The following WDR36 variants were observed in gnomAD, a reference collection of about 807,000 sequenced individuals.
WDR36 encodes the protein WD repeat domain 36.
A neutral mutation model predicts 112.7 loss-of-function variants in WDR36; 63 were observed. The observed-to-expected ratio is 0.56, with a 90% CI of 0.46 to 0.69. The LOEUF is 0.69. Among genes scored for constraint, WDR36 ranks in the 30% least tolerant of loss-of-function variants. The pLI is 0.00. For synonymous variants in WDR36, 410 were observed against 362.2 expected, an observed-to-expected ratio of 1.13 and a Z score of -1.50; for missense variants, 1,226 against 1,070.3, an observed-to-expected ratio of 1.15 and a Z score of -2.03.
chr5:111,104,349 T>C lies in WDR36; in HGVS notation c.903T>C (p.Leu301=). The change falls in exon 8 of 23, where the codon CTT becomes CTC. Residue 301 remains leucine (L), a synonymous_variant. Transcript: ENST00000513710. ...LLVTNGADNA[L]RIWIFDGPTG... Reference sequence around the variant, plus strand: ...TCACAAATGGCGCTGACAATGCTCTTAGGGTATTATGATTATTGTTAACAT... The same window carrying C: ...TCACAAATGGCGCTGACAATGCTCTCAGGGTATTATGATTATTGTTAACAT... 1 of 1,611,740 alleles carries C rather than the reference T, an allele frequency of 6.2e-7. No homozygotes were observed. The highest frequency in any genetic ancestry group is 1.3e-5 in the African/African-American group (1 of 74,884).
Position 111,110,282 on chromosome 5 carries a change from G to A in WDR36, c.1420G>A (p.Gly474Arg). 1 of 1,610,664 alleles carries A rather than the reference G, an allele frequency of 6.2e-7. No individual in the cohort carries two copies. The highest frequency in any genetic ancestry group is 8.5e-7 in the Non-Finnish European group (1 of 1,177,462). The change falls in exon 13 of 23, where the codon GGA (glycine) becomes AGA (arginine). Residue 474 changes from glycine (G) to arginine (R), a missense_variant. Gly to Arg is a moderately radical substitution (Grantham distance 125). Transcript: ENST00000513710. ...VYNMQSGIHR[G>R]SFGKDQAHKG... ...TAACATGCAGTCTGGCATACATCGAGGAAGTTTTGGCAAGGATCAAGGTAG... is the reference window on the plus strand; with the variant it reads ...TAACATGCAGTCTGGCATACATCGAAGAAGTTTTGGCAAGGATCAAGGTAG...
chr5:111,127,027 A>T lies in WDR36; in HGVS notation c.*144A>T. ...TATATCTCCACTTTAAATGCTAAAT[A>T]CTTTCTTGAAATAAAATCGCACCTC... On this transcript the variant is annotated 3_prime_UTR_variant, in exon 23 of 23. Coordinates refer to ENST00000513710, the MANE Select transcript of WDR36 (RefSeq NM_139281.3). 1 of 803,664 alleles carries T rather than the reference A, an allele frequency of 1.2e-6. No homozygotes were observed. The highest frequency in any genetic ancestry group is 3.4e-5 in the Admixed American group (1 of 29,432). 49.8% of individuals were successfully genotyped at this position (803,664 alleles called of 1,614,324 possible).
chr5:111,103,403 T>C (rs1393977622), intron 6 of WDR36, among the ~76,000 whole-genome samples: 1 of 151,820 alleles, frequency 6.6e-6, no homozygotes, highest in Non-Finnish European at 1.5e-5. Flanking sequence ...TTGCCACACA[T>C]AGCGCAAGCC....
intron 21 of WDR36, 144 bp from the exon 22 acceptor site, chr5:111,125,464 A>T: frequency 1.3e-6 from 1 of 796,660 alleles, no homozygotes; most frequent in African/African-American, 1.7e-5. Flanking sequence ...GTTTCATTCT[A>T]CTACATAATA....
intron 16 of WDR36, 63 bp downstream of exon 16, chr5:111,113,216 G>C: frequency 1.0e-6 from 1 of 1,003,420 alleles, no homozygotes; most frequent in Non-Finnish European, 1.5e-6. Flanking sequence ...TTTCACATGT[G>C]ACTTTTACCG....
intron 16 of WDR36, 72 bp downstream of exon 16, chr5:111,113,225 C>G: frequency 1.1e-6 from 1 of 914,344 alleles, no homozygotes; most frequent in Non-Finnish European, 1.7e-6. Flanking sequence ...TGACTTTTAC[C>G]GATAGTTAAT....
At chr5:111,114,293 A>AT (rs1188796624) in intron 16 of WDR36, among the ~76,000 whole-genome samples, 5 of 152,316 alleles carry the variant, frequency 3.3e-5, no homozygotes, top group Admixed American at 1.3e-4. Flanking sequence ...GTAACATACC[A>AT]TTAGAGAAAG....
At chr5:111,109,442 C>G (rs1049555322) in intron 12 of WDR36, among the ~76,000 whole-genome samples, 4 of 150,956 alleles carry the variant, frequency 2.6e-5, no homozygotes, top group Admixed American at 1.3e-4. Context: ...TGTTGCTTTG[C>G]TTAGTTAAAT....
intron 4 of WDR36, 28 bp from the exon 5 acceptor site, chr5:111,100,561 A>T: frequency 7.1e-7 from 1 of 1,406,556 alleles, no homozygotes; most frequent in Non-Finnish European, 9.7e-7. Flanking sequence ...TATTTTATAA[A>T]AAATATTTAT....
intron 9 of WDR36, 36 bp from the exon 10 acceptor site, chr5:111,105,259 G>A (rs1186977430): frequency 1.9e-6 from 3 of 1,591,662 alleles, no homozygotes; most frequent in Non-Finnish European, 2.6e-6. Flanking sequence ...TTGTTTTAAT[G>A]AAGCTTGATT....
At chr5:111,106,957 A>G (rs929336712) in intron 11 of WDR36, among the ~76,000 whole-genome samples, 3 of 151,172 alleles carry the variant, frequency 2.0e-5, no homozygotes, top group Non-Finnish European at 3.0e-5. Flanking sequence ...ACTTTCCCCA[A>G]ATCTCCTGAG....
At chr5:111,099,476 T>TTTTTTTTTTGTTTTGTTTTG (rs1753074083) in intron 4 of WDR36, among the ~76,000 whole-genome samples, 2 of 130,630 alleles carry the variant, frequency 1.5e-5, no homozygotes, top group Non-Finnish European at 3.2e-5. Flanking sequence ...TTTTTTTTTT[T>TTTTTTTTTTGTTTTGTTTTG]TTTTTTTTCA....
rs1753695803 is a variant in WDR36 at position 111,127,375 on chromosome 5, T to C, written c.*492T>C. 1.5e-5 allele frequency: 3 copies of C among 200,086 alleles called. No individual in the cohort carries two copies. Among genetic ancestry groups the C allele is most frequent in the Non-Finnish European group, 3.1e-5 (3 of 97,056 alleles). The allele number at this position is 200,086 out of a possible 1,614,324, so 12.4% of individuals were successfully genotyped here. On this transcript the variant is annotated 3_prime_UTR_variant, in exon 23 of 23. Coordinates refer to ENST00000513710, the MANE Select transcript of WDR36 (RefSeq NM_139281.3). ...CACTGTGAAGTATTGCTGAATTAAA[T>C]TGAAAATGTCAGATAAAACTGATAC... is the stretch of plus-strand genomic sequence containing the variant.
rs1397704489 is a variant in WDR36 at position 111,110,318 on chromosome 5, T to C, written c.1441+15T>C. The C allele has an allele frequency of 1.3e-6, 2 of 1,593,176 alleles. No individual in the cohort carries two copies. Among genetic ancestry groups the C allele is most frequent in the Non-Finnish European group, 1.7e-6 (2 of 1,161,912 alleles). Reference sequence around the variant, plus strand: ...CAAGGATCAAGGTAGAGAATTTTTTTCCTTGTTTTTTATTAATGTAGATAG... The same window carrying C: ...CAAGGATCAAGGTAGAGAATTTTTTCCCTTGTTTTTTATTAATGTAGATAG... On this transcript the variant is annotated intron_variant, in intron 13 of 22. Coordinates refer to ENST00000513710, the MANE Select transcript of WDR36 (RefSeq NM_139281.3).
intron 10 of WDR36, among the ~76,000 whole-genome samples, 183 bp downstream of exon 10, chr5:111,105,543 C>T (rs542074235): frequency 4.6e-5 from 7 of 151,516 alleles, no homozygotes; most frequent in Non-Finnish European, 7.4e-5. Flanking sequence ...TGAGGTTCTG[C>T]TATAAGGTTA....
intron 19 of WDR36, among the ~76,000 whole-genome samples, chr5:111,123,335 A>C (rs1283697408): frequency 6.6e-6 from 1 of 152,236 alleles, no homozygotes; most frequent in Non-Finnish European, 1.5e-5. Flanking sequence ...GGAAATTATC[A>C]AATTACTTAT....
At chr5:111,107,512 T>C in intron 12 of WDR36, 73 bp downstream of exon 12, 3 of 1,573,108 alleles carry the variant, frequency 1.9e-6, no homozygotes, top group Non-Finnish European at 2.6e-6. Flanking sequence ...ACTCAAGGTT[T>C]CTCATCATAA....
At chr5:111,123,534 A>G (rs1407994202) in intron 19 of WDR36, among the ~76,000 whole-genome samples, 1 of 152,246 alleles carries the variant, frequency 6.6e-6, no homozygotes, top group Admixed American at 6.5e-5. Flanking sequence ...TATTTCAGGA[A>G]AATGAGCTGT....
In WDR36 at chr5:111,124,730, G is replaced by T. The variant is rs17132802; in HGVS notation, c.2350+541G>T. Among the ~76,000 whole-genome samples, 1,507 of 152,184 alleles carry T rather than the reference G, an allele frequency of 9.9e-3. 21 individuals are homozygous for T. The highest frequency in any genetic ancestry group is 0.034 in the African/African-American group (1,431 of 41,530). ...AACTGTAATCATTTAAAAAACTGTA[G>T]TCACTCTCCTAATAATTTTAACTTG... On this transcript the variant is annotated intron_variant, in intron 21 of 22. Transcript: ENST00000513710.
Sources: allele counts gnomAD v4.1 joint callset (sites outside exome capture counted in the v4.1 genomes callset), GRCh38; gene constraint gnomAD v4.1.1; transcripts MANE v1.5; gene names NCBI Gene and HGNC (gene_info 2026-07-23, HGNC 2026-07-21).